Variants in UBE2H observed in about 807,000 individuals in gnomAD.
UBE2H encodes the protein ubiquitin conjugating enzyme E2 H, also known as ubiquitin-conjugating enzyme E2 H.
Under a neutral mutation model 29.0 loss-of-function variants are expected in UBE2H, and 3 were observed. That is an observed-to-expected ratio of 0.10 (90% CI 0.05 to 0.27). The LOEUF (loss-of-function observed/expected upper bound fraction) is 0.27. Ranked by LOEUF, UBE2H falls within the 10% of genes least tolerant of loss-of-function variation. UBE2H has a pLI of 1.00. For missense variants in UBE2H, 68 were observed against 228.2 expected (o/e 0.30, Z 4.52); for synonymous variants, 69 against 82.9 (o/e 0.83, Z 0.91).
chr7:129,861,919 TA>T (rs1388106688), intron 3 of UBE2H, among the ~76,000 whole-genome samples: 2 of 152,176 alleles, frequency 1.3e-5, no homozygotes, highest in Non-Finnish European at 2.9e-5. Flanking sequence ...TCAAACATTC[TA>T]AAATAGACTG....
chr7:129,895,242 C>A (rs1208116156), intron 1 of UBE2H, among the ~76,000 whole-genome samples: 1 of 152,106 alleles, frequency 6.6e-6, no homozygotes, highest in East Asian at 1.9e-4. Flanking sequence ...GTCTCTAGCA[C>A]CTGTCACATG....
intron 1 of UBE2H, among the ~76,000 whole-genome samples, chr7:129,881,871 C>A (rs915699194): frequency 6.6e-6 from 1 of 152,152 alleles, no homozygotes; most frequent in African/African-American, 2.4e-5. Context: ...ACAATTGTCT[C>A]CTTGGCTTAT....
intron 1 of UBE2H, among the ~76,000 whole-genome samples, chr7:129,881,351 A>C (rs1418317540): frequency 6.6e-6 from 1 of 152,212 alleles, no homozygotes; most frequent in Non-Finnish European, 1.5e-5. Flanking sequence ...TTTTGCCTAT[A>C]TACATAAAAA....
chr7:129,871,543 C>T (rs1191664560), intron 3 of UBE2H, among the ~76,000 whole-genome samples: 1 of 151,950 alleles, frequency 6.6e-6, no homozygotes, highest in Non-Finnish European at 1.5e-5. Context: ...GGTGAAACCC[C>T]ATCTCTCCTA....
intron 1 of UBE2H, chr7:129,951,473 T>A (rs1584807176): frequency 6.7e-6 from 1 of 149,270 alleles, no homozygotes; most frequent in Non-Finnish European, 1.5e-5. Context: ...CCCCCTACCC[T>A]CTAAACTACC....
intron 1 of UBE2H, among the ~76,000 whole-genome samples, chr7:129,919,595 C>T (rs1289364316): frequency 6.6e-6 from 1 of 152,190 alleles, no homozygotes; most frequent in African/African-American, 2.4e-5. Flanking sequence ...AAAATGCCCA[C>T]TCATCTTTCA....
chr7:129,922,198 G>C (rs1807177273), intron 1 of UBE2H, among the ~76,000 whole-genome samples: 1 of 151,894 alleles, frequency 6.6e-6, no homozygotes, highest in South Asian at 2.1e-4. Context: ...ATGTTGGCCA[G>C]GCTGGTCTTG....
chr7:129,943,509 G>A (rs771625735), intron 1 of UBE2H, among the ~76,000 whole-genome samples: 1 of 151,262 alleles, frequency 6.6e-6, no homozygotes, highest in Non-Finnish European at 1.5e-5. Flanking sequence ...GCCAAGCGCC[G>A]GGAGGCAGAG....
At chr7:129,938,883 C>T (rs1807587139) in intron 1 of UBE2H, among the ~76,000 whole-genome samples, 1 of 151,752 alleles carries the variant, frequency 6.6e-6, no homozygotes, top group African/African-American at 2.4e-5. Context: ...CCTGCAACCT[C>T]CACCTCCTAG....
At chr7:129,931,805 T>C (rs946561487) in intron 1 of UBE2H, among the ~76,000 whole-genome samples, 1 of 152,012 alleles carries the variant, frequency 6.6e-6, no homozygotes, top group Non-Finnish European at 1.5e-5. Context: ...ACTTTTCATA[T>C]TCTTATATTA....
intron 1 of UBE2H, among the ~76,000 whole-genome samples, chr7:129,897,525 C>A (rs113883308): frequency 6.6e-6 from 1 of 152,098 alleles, no homozygotes; most frequent in Admixed American, 6.5e-5. Context: ...TACTAGACTT[C>A]GGCCTTTTTA....
intron 1 of UBE2H, among the ~76,000 whole-genome samples, chr7:129,950,971 TCC>T (rs1397337324): frequency 6.6e-6 from 1 of 152,102 alleles, no homozygotes; most frequent in East Asian, 1.9e-4. Context: ...AATCTCCCAC[TCC>T]CCCAAAAATT....
intron 1 of UBE2H, among the ~76,000 whole-genome samples, chr7:129,922,874 C>T (rs569066646): frequency 2.6e-5 from 4 of 152,164 alleles, no homozygotes; most frequent in Admixed American, 2.6e-4. Context: ...AGTGCACACA[C>T]AGTGCCTGGC....
intron 1 of UBE2H, among the ~76,000 whole-genome samples, chr7:129,902,808 C>A (rs1806743460): frequency 6.6e-6 from 1 of 152,192 alleles, no homozygotes. Flanking sequence ...TGGGGATAAG[C>A]ATATTTACCC....
chr7:129,862,411 A>C (rs1170413116), intron 3 of UBE2H, among the ~76,000 whole-genome samples: 1 of 152,232 alleles, frequency 6.6e-6, no homozygotes, highest in Non-Finnish European at 1.5e-5. Context: ...ACAGGACTTA[A>C]GGGGAAATAC....
rs888326611 is a variant in UBE2H, at chr7:129,952,873, C to T, written c.-318G>A. On this transcript the variant is annotated 5_prime_UTR_variant, in exon 1 of 7. Coordinates refer to ENST00000355621, the MANE Select transcript of UBE2H (RefSeq NM_003344.4). Reference sequence around the variant, plus strand: ...CCTGCTGTGGCTCGCTCGCCTGCTCCCCACTCACCCTCTGACCGGCTCCTA... The same window carrying T: ...CCTGCTGTGGCTCGCTCGCCTGCTCTCCACTCACCCTCTGACCGGCTCCTA... The T allele has an allele frequency of 4.6e-6, 1 of 217,718 alleles. No homozygotes were observed. Among genetic ancestry groups the T allele is most frequent in the Non-Finnish European group, 9.0e-6 (1 of 111,442 alleles). The allele number at this position is 217,718 out of a possible 1,614,324, so 13.5% of individuals were successfully genotyped here. A position where few individuals can be genotyped will look rare whatever the true frequency, so the allele number is the denominator to read the frequency against.
intron 2 of UBE2H, 140 bp from the exon 3 acceptor site, chr7:129,879,782 C>T: frequency 1.5e-6 from 1 of 687,738 alleles, no homozygotes; most frequent in Non-Finnish European, 2.5e-6. Flanking sequence ...CTACTACAAT[C>T]AATAGGTGTA....
intron 5 of UBE2H, among the ~76,000 whole-genome samples, chr7:129,849,904 A>T (rs139612574): frequency 1.3e-5 from 2 of 152,256 alleles, no homozygotes; most frequent in Non-Finnish European, 2.9e-5. Flanking sequence ...GCAGATTCAC[A>T]TATCTTCTCA....
intron 5 of UBE2H, 97 bp from the exon 6 acceptor site, chr7:129,839,432 C>G: frequency 6.5e-7 from 1 of 1,537,900 alleles, no homozygotes; most frequent in Non-Finnish European, 8.8e-7. Context: ...CTTAGATATT[C>G]ACACGGGGAT....
Sources: gnomAD v4.1 joint callset for allele counts (sites outside exome capture counted in the v4.1 genomes callset) on GRCh38, gnomAD v4.1.1 for gene constraint, MANE v1.5 for transcripts, NCBI Gene and HGNC (gene_info 2026-07-23, HGNC 2026-07-21) for gene names.